Variants in MINDY2 observed in about 807,000 individuals in gnomAD.
MINDY2 encodes the protein MINDY lysine 48 deubiquitinase 2.
A neutral mutation model predicts 68.2 loss-of-function variants in MINDY2; 52 were observed. That is an observed-to-expected ratio of 0.76 (90% CI 0.61 to 0.96). MINDY2 has a LOEUF of 0.96. Ranked by LOEUF, MINDY2 falls within the 40% of genes least tolerant of loss-of-function variation. The pLI is 0.00. For missense variants in MINDY2, 881 were observed against 773.4 expected (o/e 1.14, Z -1.65); for synonymous variants, 372 against 303.0 (o/e 1.23, Z -2.36).
At chr15:58,840,429 T>A (rs1440414648) in intron 6 of MINDY2, among the ~76,000 whole-genome samples, 2 of 152,102 alleles carry the variant, frequency 1.3e-5, no homozygotes, top group Non-Finnish European at 2.9e-5. Context: ...TCTCTGTTAG[T>A]TATTACTTGT....
chr15:58,796,156 A>G (rs1273097252), intron 2 of MINDY2: 8 of 455,688 alleles, frequency 1.8e-5, no homozygotes, highest in African/African-American at 1.6e-4. Flanking sequence ...ACAAATGGGT[A>G]TGGGAAGTGG....
chr15:58,829,982 C>A (rs752737177), intron 5 of MINDY2, among the ~76,000 whole-genome samples: 1 of 152,154 alleles, frequency 6.6e-6, no homozygotes, highest in Non-Finnish European at 1.5e-5. Flanking sequence ...TCTTTAGTCC[C>A]TGTATCTATA....
chr15:58,772,697 G>T (rs1029181646), intron 1 of MINDY2, among the ~76,000 whole-genome samples: 13 of 152,166 alleles, frequency 8.5e-5, no homozygotes, highest in African/African-American at 3.1e-4. Flanking sequence ...TTTGTGTGTA[G>T]ATACTTAAGA....
intron 2 of MINDY2, among the ~76,000 whole-genome samples, chr15:58,792,408 C>G (rs1226052322): frequency 6.6e-6 from 1 of 152,228 alleles, no homozygotes; most frequent in African/African-American, 2.4e-5. Flanking sequence ...GAGTTTGAGA[C>G]CAGCCTGGCC....
At chr15:58,803,945 GA>G (rs34082956) in intron 3 of MINDY2, among the ~76,000 whole-genome samples, 13,010 of 77,400 alleles carry the variant, frequency 0.17, 513 homozygotes, top group East Asian at 0.31. Context: ...CAGCTCTACT[GA>G]AAAAAAAAAA....
intron 3 of MINDY2, among the ~76,000 whole-genome samples, chr15:58,804,812 A>G (rs988063688): frequency 2.4e-4 from 36 of 152,052 alleles, no homozygotes; most frequent in African/African-American, 8.0e-4. Flanking sequence ...TTACAAAAAA[A>G]AAAAAGAAAA....
chr15:58,859,551 A>C lies in MINDY2; in HGVS notation c.*4941A>C, dbSNP rs2033158085. On this transcript the variant is annotated 3_prime_UTR_variant, in exon 9 of 9. Transcript: ENST00000559228. ...TTTATTAATGATGTCCAACACCTCTAAGATTGTTGAGAAAACATGAAGAAT... is the reference window on the plus strand; with the variant it reads ...TTTATTAATGATGTCCAACACCTCTCAGATTGTTGAGAAAACATGAAGAAT... The C allele has an allele frequency of 6.6e-6, 1 of 152,190 alleles. No individual in the cohort carries two copies. 9.4% of individuals were successfully genotyped at this position (152,190 alleles called of 1,614,324 possible).
At chr15:58,801,876 C>T (rs1449238285) in intron 2 of MINDY2, among the ~76,000 whole-genome samples, 1 of 152,218 alleles carries the variant, frequency 6.6e-6, no homozygotes, top group Non-Finnish European at 1.5e-5. Flanking sequence ...CCTCAGCCTC[C>T]CAAAGTGCTG....
intron 5 of MINDY2, among the ~76,000 whole-genome samples, chr15:58,830,830 G>C (rs2031669819): frequency 6.6e-6 from 1 of 152,048 alleles, no homozygotes; most frequent in African/African-American, 2.4e-5. Context: ...ATGTTGCCTT[G>C]TTTGACCTCA....
At position 58,821,831 on chromosome 15, in the gene MINDY2, C is replaced by T. The variant is rs1264372273; in HGVS notation, c.1225+12C>T. ...GCTGGTTAGTGAAGGTGGGTGAGTG[C>T]TGCTATTTCCTGACTTTTGAAATTC... On this transcript the variant is annotated intron_variant, in intron 5 of 8. Coordinates refer to ENST00000559228, the MANE Select transcript of MINDY2 (RefSeq NM_001040450.3). The T allele has an allele frequency of 1.3e-6, 2 of 1,516,886 alleles. No homozygotes were observed. The highest frequency in any genetic ancestry group is 2.4e-5 in the East Asian group (1 of 41,444). 94.0% of individuals were successfully genotyped at this position (1,516,886 alleles called of 1,614,324 possible).
intron 2 of MINDY2, among the ~76,000 whole-genome samples, chr15:58,789,265 G>A (rs762916353): frequency 1.1e-4 from 17 of 151,940 alleles, no homozygotes; most frequent in Non-Finnish European, 1.9e-4. Context: ...GTGAACCCAG[G>A]AGGCATAGCT....
chr15:58,790,589 G>GGC (rs1567043325), intron 2 of MINDY2, among the ~76,000 whole-genome samples: 220 of 151,784 alleles, frequency 1.4e-3, no homozygotes, highest in African/African-American at 3.9e-3. Context: ...AGACCTTAGT[G>GGC]GGGGGTAAGA....
At chr15:58,832,224 ACTT>A (rs1432785476) in intron 6 of MINDY2, among the ~76,000 whole-genome samples, 3 of 143,238 alleles carry the variant, frequency 2.1e-5, no homozygotes, top group African/African-American at 7.8e-5. Context: ...AACTAGGATG[ACTT>A]CTTTTTTTTT....
chr15:58,854,455 A>C (rs771962386), intron 8 of MINDY2, 27 bp from the exon 9 acceptor site: 8 of 1,601,890 alleles, frequency 5.0e-6, no homozygotes, highest in Non-Finnish European at 6.8e-6. Context: ...AGTTAGAGTA[A>C]TTTCTTGCTG....
chr15:58,842,050 GC>G (rs2032313452), intron 6 of MINDY2, among the ~76,000 whole-genome samples: 1 of 151,476 alleles, frequency 6.6e-6, no homozygotes, highest in Non-Finnish European at 1.5e-5. Flanking sequence ...AGATTACATA[GC>G]CCCTGTCTAG....
intron 7 of MINDY2, among the ~76,000 whole-genome samples, chr15:58,848,251 T>A (rs1402064101): frequency 6.6e-6 from 1 of 152,116 alleles, no homozygotes; most frequent in Non-Finnish European, 1.5e-5. Flanking sequence ...ACAATTTAAG[T>A]GCACAAAGAC....
chr15:58,834,588 C>CT (rs2031903944), intron 6 of MINDY2, among the ~76,000 whole-genome samples: 1 of 152,150 alleles, frequency 6.6e-6, no homozygotes, highest in South Asian at 2.1e-4. Flanking sequence ...TAATGTGCAG[C>CT]TAAGGCAGAG....
rs1395902501 is a variant in MINDY2 at position 58,860,599 on chromosome 15, C to G, written c.*5989C>G. On this transcript the variant is annotated 3_prime_UTR_variant, in exon 9 of 9. Transcript: ENST00000559228. ...CTCAAAAAAAAAAAAAAAAAAAAGT[C>G]AAGAAACTGAAATTCCCATTTAAGT... 7.0e-6 allele frequency: 1 copy of G among 143,788 alleles called. No homozygotes were observed. Among genetic ancestry groups the G allele is most frequent in the Non-Finnish European group, 1.5e-5 (1 of 66,268 alleles). 8.9% of individuals were successfully genotyped at this position (143,788 alleles called of 1,614,324 possible). A position where few individuals can be genotyped will look rare whatever the true frequency, so the allele number is the denominator to read the frequency against.
At chr15:58,816,788 A>G (rs1261316135) in intron 4 of MINDY2, among the ~76,000 whole-genome samples, 3 of 152,148 alleles carry the variant, frequency 2.0e-5, no homozygotes, top group African/African-American at 7.2e-5. Context: ...TTCCATGCGC[A>G]TTAAAGTTTT....
Sources: gnomAD v4.1 joint callset for allele counts (sites outside exome capture counted in the v4.1 genomes callset) on GRCh38, gnomAD v4.1.1 for gene constraint, MANE v1.5 for transcripts, NCBI Gene and HGNC (gene_info 2026-07-23, HGNC 2026-07-21) for gene names.